The following SECISBP2 variants were observed in gnomAD, a reference collection of about 807,000 sequenced individuals.
The protein encoded by SECISBP2 is selenocysteine insertion sequence-binding protein 2.
In SECISBP2, 96 loss-of-function variants were observed where a neutral mutation model predicts 98.2. The ratio of observed to expected loss-of-function variants is 0.98; its 90% CI spans 0.83 to 1.16. SECISBP2 has a LOEUF of 1.16. SECISBP2 is among the 50% of genes most tolerant of loss of function. The pLI is 0.00. For missense variants in SECISBP2, 1,046 were observed against 1,022.9 expected, an observed-to-expected ratio of 1.02 and a Z score of -0.31; for synonymous variants, 407 against 370.2, an observed-to-expected ratio of 1.10 and a Z score of -1.14.
intron 6 of SECISBP2, chr9:89,333,931 A>AT: frequency 1.5e-6 from 1 of 655,562 alleles, no homozygotes. Context: ...AGTGAGGGGA[A>AT]CAGTCTGTTT....
intron 14 of SECISBP2, chr9:89,355,570 T>C (rs1831932076): frequency 1.0e-6 from 1 of 983,364 alleles, no homozygotes; most frequent in African/African-American, 1.7e-5. Flanking sequence ...GTATTTCTTC[T>C]GGTTTGTCAG....
At chr9:89,352,939 GGTA>G (rs2132026076) in intron 14 of SECISBP2, among the ~76,000 whole-genome samples, 1 of 151,746 alleles carries the variant, frequency 6.6e-6, no homozygotes, top group South Asian at 2.1e-4. Flanking sequence ...GTTTCCTCCA[GGTA>G]GTTTGCTCTG....
At chr9:89,354,154 G>A (rs1388871694) in intron 14 of SECISBP2, among the ~76,000 whole-genome samples, 6 of 152,200 alleles carry the variant, frequency 3.9e-5, no homozygotes, top group Admixed American at 2.6e-4. Context: ...CTTGCCACAC[G>A]TGCTTTCATC....
Position 89,359,180 on chromosome 9 carries a change from T to C in SECISBP2, c.*356T>C, listed in dbSNP as rs975117569. 3.5e-5 allele frequency: 12 copies of C among 338,192 alleles called. No individual in the cohort carries two copies. Among genetic ancestry groups the C allele is most frequent in the African/African-American group, 2.4e-4 (11 of 46,428 alleles). 20.9% of individuals were successfully genotyped at this position (338,192 alleles called of 1,614,324 possible). ...AATAGCTGAGCCAAGTGAGTGAGTT[T>C]GCAGAAAGCAGGTGGTGAGCTCCTG... On this transcript the variant is annotated 3_prime_UTR_variant, in exon 17 of 17. Coordinates refer to ENST00000375807, the MANE Select transcript of SECISBP2 (RefSeq NM_024077.5).
chr9:89,353,495 C>T (rs1304406736), intron 14 of SECISBP2, among the ~76,000 whole-genome samples: 2 of 152,184 alleles, frequency 1.3e-5, no homozygotes, highest in African/African-American at 2.4e-5. Flanking sequence ...GGCTGGACAC[C>T]GAGTTGCCTC....
chr9:89,333,497 G>C (rs990159803), intron 6 of SECISBP2, among the ~76,000 whole-genome samples: 18 of 152,336 alleles, frequency 1.2e-4, no homozygotes, highest in Non-Finnish European at 2.5e-4. Flanking sequence ...CACTTGTGCA[G>C]CTCTGCCATC....
rs545934039 is a variant in SECISBP2, at chr9:89,328,363, C to T, written c.575-297C>T. ...TACAATCTTATGGGGCTGTTGTATA[C>T]GTAATCCATTGCTGATCAGACCATC... On this transcript the variant is annotated intron_variant, in intron 4 of 16. Coordinates refer to ENST00000375807, the MANE Select transcript of SECISBP2 (RefSeq NM_024077.5). Among the ~76,000 whole-genome samples the T allele has an allele frequency of 4.6e-5, 7 of 152,292 alleles. No individual in the cohort carries two copies. The East Asian group carries it at 1.2e-3, about 25-fold the overall frequency.
In SECISBP2 at chr9:89,358,824, A is replaced by T; in HGVS notation, c.2565A>T (p.Ter855CysextTer11). ...STSQMMNLNL* is the reference protein window; with the variant it reads ...STSQMMNLNLC ...CTCAAATGATGAATTTGAATTTATG[A>T]GAGTTCTTGCCTGTGTGTCTGTATT... The change falls in exon 17 of 17, where the codon TGA (stop) becomes TGT (cysteine). Residue 855 changes from the stop codon to cysteine (C), a stop_lost. Transcript: ENST00000375807. 6.2e-7 allele frequency: 1 copy of T among 1,601,112 alleles called. No homozygotes were observed. The highest frequency in any genetic ancestry group is 1.7e-5 in the Admixed American group (1 of 59,996).
intron 14 of SECISBP2, chr9:89,355,156 AT>A (rs1831878725): frequency 7.1e-6 from 7 of 985,336 alleles, no homozygotes; most frequent in Non-Finnish European, 8.4e-6. Flanking sequence ...TAGGACGTGC[AT>A]TGGAGAAGTT....
chr9:89,363,390 G>A (rs1003272658), downstream of SECISBP2: 1 of 1,602,444 alleles, frequency 6.2e-7, no homozygotes, highest in African/African-American at 1.3e-5. Context: ...CCTGCCCCTG[G>A]CTCCAGCCCT....
At chr9:89,320,355 CAAAAAAAAA>C (rs776426275) in intron 2 of SECISBP2, among the ~76,000 whole-genome samples, 1 of 51,960 alleles carries the variant, frequency 1.9e-5, no homozygotes, top group Admixed American at 2.4e-4. Flanking sequence ...GACTCTGTCT[CAAAAAAAAA>C]AAAAAAAAAA....
At chr9:89,318,680 C>G in intron 1 of SECISBP2, 68 bp downstream of exon 1, 1 of 1,333,500 alleles carries the variant, frequency 7.5e-7, no homozygotes, top group Non-Finnish European at 9.7e-7. Flanking sequence ...GGGGCTCGGC[C>G]GGGCGGTGAC....
intron 7 of SECISBP2, 84 bp from the exon 8 acceptor site, chr9:89,338,374 A>C: frequency 6.8e-7 from 1 of 1,471,768 alleles, no homozygotes. Context: ...AGGACTTGAT[A>C]TCTTAATTTT....
intron 1 of SECISBP2, 128 bp from the exon 2 acceptor site, chr9:89,319,524 G>A: frequency 9.3e-7 from 1 of 1,076,010 alleles, no homozygotes; most frequent in South Asian, 1.3e-5. Flanking sequence ...GTCTTTACGA[G>A]GCAGAAGTTT....
chr9:89,325,288 C>A, intron 2 of SECISBP2, 139 bp from the exon 3 acceptor site: 1 of 766,872 alleles, frequency 1.3e-6, no homozygotes, highest in Non-Finnish European at 2.1e-6. Flanking sequence ...TTTTATTTGG[C>A]TTTTAATTAG....
At position 89,328,666 on chromosome 9, in the gene SECISBP2, A is replaced by G. The variant is rs760042457; in HGVS notation, c.581A>G (p.Tyr194Cys). The G allele has an allele frequency of 5.0e-6, 8 of 1,613,440 alleles. No individual in the cohort carries two copies. In the Admixed American group the frequency reaches 1.2e-4, roughly 24 times the overall value. The change falls in exon 5 of 17, where the codon TAC becomes TGC. Residue 194 changes from tyrosine (Y) to cysteine (C), a missense_variant. Physicochemically the swap from Tyr to Cys is radical, Grantham distance 194 (BLOSUM62 -2). Coordinates refer to ENST00000375807, the MANE Select transcript of SECISBP2 (RefSeq NM_024077.5). ...TTTAATTTTGTAATTACAGATGGTT[A>G]CCATAAGCGAACAGACAGGAAATCC... ...YAENSLKSDG[Y>C]HKRTDRKSRI...
At chr9:89,332,589 CT>C (rs371274547) in intron 5 of SECISBP2, 154 of 384,134 alleles carry the variant, frequency 4.0e-4, no homozygotes, top group African/African-American at 2.9e-3. Context: ...CACATCTTGG[CT>C]GCTTCCAAGT....
rs1217334837 is a variant in SECISBP2, at chr9:89,348,080, T to C, written c.1604T>C (p.Ile535Thr). The change falls in exon 12 of 17, where the codon ATT (isoleucine) becomes ACT (threonine). Residue 535 changes from isoleucine to threonine, a missense_variant and splice_region_variant. Ile to Thr is a moderately conservative substitution (Grantham distance 89). Transcript: ENST00000375807. ...TTAATTGTTTATTTAATTTTTAAGATTATTTTGAAAGAACGGCAAGAGAGA... is the reference window on the plus strand; with the variant it reads ...TTAATTGTTTATTTAATTTTTAAGACTATTTTGAAAGAACGGCAAGAGAGA... Reference protein sequence around the residue: ...KAKKPTSLKKIILKERQERKQ... With the variant: ...KAKKPTSLKKTILKERQERKQ... 1.2e-6 allele frequency: 2 copies of C among 1,612,452 alleles called. No individual in the cohort carries two copies. The highest frequency in any genetic ancestry group is 1.3e-5 in the African/African-American group (1 of 74,898).
At chr9:89,331,028 T>C (rs895353451) in intron 5 of SECISBP2, among the ~76,000 whole-genome samples, 58 of 152,222 alleles carry the variant, frequency 3.8e-4, no homozygotes, top group Non-Finnish European at 6.3e-4. Flanking sequence ...TTATTTTCCT[T>C]CTAAAAGAAA....
Sources: allele counts gnomAD v4.1 joint callset (sites outside exome capture counted in the v4.1 genomes callset), GRCh38; gene constraint gnomAD v4.1.1; transcripts MANE v1.5; gene names NCBI Gene and HGNC (gene_info 2026-07-23, HGNC 2026-07-21).